Variants in CEP350 observed in about 807,000 individuals in gnomAD.
The protein encoded by CEP350 is centrosomal protein 350.
In CEP350, 126 loss-of-function variants were observed where a neutral mutation model predicts 331.8. The ratio of observed to expected loss-of-function variants is 0.38; its 90% CI spans 0.33 to 0.44. The LOEUF is 0.44. Among genes scored for constraint, CEP350 ranks in the 20% least tolerant of loss-of-function variants. The pLI is 1.00. For missense variants in CEP350, 3,406 were observed against 3,634.6 expected, an observed-to-expected ratio of 0.94 and a Z score of 1.62; for synonymous variants, 1,200 against 1,259.5, an observed-to-expected ratio of 0.95 and a Z score of 1.00.
chr1:180,080,198 A>C (rs1659480093), intron 29 of CEP350, among the ~76,000 whole-genome samples: 2 of 152,140 alleles, frequency 1.3e-5, no homozygotes, highest in Admixed American at 1.3e-4. Flanking sequence ...AATTAAAAGA[A>C]TGGAGGGGGG....
At chr1:180,031,979 T>G (rs1656053045) in intron 15 of CEP350, among the ~76,000 whole-genome samples, 1 of 152,132 alleles carries the variant, frequency 6.6e-6, no homozygotes. Context: ...CTTAGCATCC[T>G]TATTGTCTTA....
chr1:180,113,578 GAAAA>G lies in CEP350; in HGVS notation c.*2420_*2423del, dbSNP rs570232760. On this transcript the variant is annotated 3_prime_UTR_variant, in exon 38 of 38. Coordinates refer to ENST00000367607, the MANE Select transcript of CEP350 (RefSeq NM_014810.5). ...TCTGTAGTTTGGTAGCAAAAAAAAA[GAAAA>G]AAGAATCCATAATTAGCAGATTTCT... 6.8e-6 allele frequency: 1 copy of G among 147,336 alleles called. No homozygotes were observed. Among genetic ancestry groups the G allele is most frequent in the African/African-American group, 2.5e-5 (1 of 40,700 alleles). 9.1% of individuals were successfully genotyped at this position (147,336 alleles called of 1,614,324 possible).
intron 32 of CEP350, among the ~76,000 whole-genome samples, chr1:180,090,228 T>C (rs1310973402): frequency 1.3e-5 from 2 of 152,090 alleles, no homozygotes; most frequent in African/African-American, 4.8e-5. Flanking sequence ...CAAGGTCATC[T>C]AGTGAGAGTG....
intron 1 of CEP350, among the ~76,000 whole-genome samples, chr1:179,965,511 C>G (rs1173784046): frequency 2.0e-5 from 3 of 151,690 alleles, no homozygotes; most frequent in African/African-American, 7.3e-5. Flanking sequence ...TGGAAATCTC[C>G]TTTATAGATG....
At chr1:180,003,093 T>C in intron 6 of CEP350, 81 bp from the exon 7 acceptor site, 1 of 845,502 alleles carries the variant, frequency 1.2e-6, no homozygotes, top group Non-Finnish European at 1.9e-6. Flanking sequence ...ATGTCGATTA[T>C]ATATCACTTT....
At chr1:179,976,884 A>T (rs1651911213) in intron 1 of CEP350, among the ~76,000 whole-genome samples, 1 of 152,164 alleles carries the variant, frequency 6.6e-6, no homozygotes, top group Non-Finnish European at 1.5e-5. Flanking sequence ...GACTTCAGAG[A>T]GGCCTCAAAG....
chr1:180,080,785 G>C (rs1210747463), intron 30 of CEP350, 124 bp downstream of exon 30: 1 of 788,350 alleles, frequency 1.3e-6, no homozygotes, highest in Non-Finnish European at 2.1e-6. Context: ...GTTTATGTAG[G>C]ATTGTGAAGA....
At chr1:180,097,455 T>C (rs1223949741) in intron 36 of CEP350, among the ~76,000 whole-genome samples, 1 of 152,196 alleles carries the variant, frequency 6.6e-6, no homozygotes, top group Non-Finnish European at 1.5e-5. Flanking sequence ...TGTGAACAGG[T>C]AGGGAGTGAT....
chr1:179,998,739 C>T (rs1653658319), intron 6 of CEP350, among the ~76,000 whole-genome samples: 1 of 152,024 alleles, frequency 6.6e-6, no homozygotes, highest in Non-Finnish European at 1.5e-5. Flanking sequence ...CCTAAGGCAT[C>T]TTTAGTCATT....
chr1:180,102,637 G>T (rs1285887207), intron 37 of CEP350, among the ~76,000 whole-genome samples: 1 of 152,114 alleles, frequency 6.6e-6, no homozygotes, highest in Non-Finnish European at 1.5e-5. Flanking sequence ...AATAATATAG[G>T]TGCATTGTTT....
At chr1:180,029,993 T>C (rs1655910105) in intron 14 of CEP350, among the ~76,000 whole-genome samples, 1 of 152,166 alleles carries the variant, frequency 6.6e-6, no homozygotes, top group African/African-American at 2.4e-5. Flanking sequence ...TGTGTCAGAA[T>C]GTTCTTCCTT....
chr1:180,025,010 C>T (rs958822291), intron 14 of CEP350, among the ~76,000 whole-genome samples: 2 of 151,550 alleles, frequency 1.3e-5, no homozygotes, highest in African/African-American at 2.4e-5. Flanking sequence ...CTGCAAGCTC[C>T]GCCTCCCAGG....
intron 16 of CEP350, 40 bp from the exon 17 acceptor site, chr1:180,036,886 C>T (rs1348302668): frequency 3.4e-6 from 5 of 1,456,626 alleles, no homozygotes; most frequent in Non-Finnish European, 4.5e-6. Flanking sequence ...AGTGTAATTT[C>T]ATGTTAACTT....
At chr1:179,975,532 AT>A (rs934109531) in intron 1 of CEP350, among the ~76,000 whole-genome samples, 199 of 148,728 alleles carry the variant, frequency 1.3e-3, no homozygotes, top group African/African-American at 4.4e-3. Flanking sequence ...AAACATCTTA[AT>A]TTTTTTTTTT....
chr1:180,008,191 G>A (rs2148779750), intron 8 of CEP350, among the ~76,000 whole-genome samples: 1 of 152,224 alleles, frequency 6.6e-6, no homozygotes, highest in East Asian at 1.9e-4. Flanking sequence ...TATTAGTCAG[G>A]TGGAAGTCTG....
chr1:179,990,265 CTT>C (rs1292222481), intron 3 of CEP350, among the ~76,000 whole-genome samples: 1 of 151,920 alleles, frequency 6.6e-6, no homozygotes, highest in Non-Finnish European at 1.5e-5. Context: ...AATGGAAACT[CTT>C]TGATATTCTT....
intron 1 of CEP350, among the ~76,000 whole-genome samples, chr1:179,977,866 A>G (rs542355465): frequency 6.6e-6 from 1 of 151,698 alleles, no homozygotes; most frequent in Non-Finnish European, 1.5e-5. Context: ...GTACAGCAAT[A>G]GTTTATATCC....
intron 27 of CEP350, chr1:180,073,964 GTTTGT>G: frequency 7.9e-7 from 1 of 1,270,306 alleles, no homozygotes; most frequent in East Asian, 6.0e-5. Context: ...TGTTCTTTTT[GTTTGT>G]TTTGTTTGCT....
intron 19 of CEP350, 42 bp downstream of exon 19, chr1:180,041,844 G>C: frequency 1.3e-6 from 2 of 1,555,478 alleles, no homozygotes; most frequent in Non-Finnish European, 1.8e-6. Flanking sequence ...CTTCTTTTTA[G>C]TCAATCTGAG....
Sources: gnomAD v4.1 joint callset for allele counts (sites outside exome capture counted in the v4.1 genomes callset) on GRCh38, gnomAD v4.1.1 for gene constraint, MANE v1.5 for transcripts, NCBI Gene and HGNC (gene_info 2026-07-23, HGNC 2026-07-21) for gene names.